CD200R1: variants seen among roughly 807,000 people sequenced by gnomAD.
CD200R1 encodes CD200 receptor 1.
CD200R1 carries 30 observed loss-of-function variants against 38.1 expected under a neutral mutation model. The observed-to-expected ratio is 0.79, with a 90% confidence interval of 0.59 to 1.07. The LOEUF (loss-of-function observed/expected upper bound fraction) is 1.07. Ranked by LOEUF, CD200R1 falls within the 50% of genes least tolerant of loss-of-function variation. The pLI is 0.00. For missense variants in CD200R1, 372 were observed against 415.4 expected, an observed-to-expected ratio of 0.90 and a Z score of 0.91; for synonymous variants, 128 against 152.1, an observed-to-expected ratio of 0.84 and a Z score of 1.16.
intron 2 of CD200R1, among the ~76,000 whole-genome samples, chr3:112,937,201 G>A (rs1452799746): frequency 6.6e-6 from 1 of 152,062 alleles, no homozygotes; most frequent in Non-Finnish European, 1.5e-5. Flanking sequence ...AGGAGGAAAA[G>A]CCCCTTATAA....
intron 3 of CD200R1, among the ~76,000 whole-genome samples, chr3:112,930,254 T>G (rs1940396836): frequency 6.6e-6 from 1 of 152,196 alleles, no homozygotes; most frequent in African/African-American, 2.4e-5. Flanking sequence ...TAAAAAACGA[T>G]TTATTTCCCT....
At chr3:112,964,295 G>T (rs1212490854) in intron 1 of CD200R1, among the ~76,000 whole-genome samples, 1 of 152,182 alleles carries the variant, frequency 6.6e-6, no homozygotes, top group Non-Finnish European at 1.5e-5. Context: ...CCCCAGAATG[G>T]TAGATCCATT....
intron 2 of CD200R1, among the ~76,000 whole-genome samples, chr3:112,940,019 T>A (rs540226234): frequency 6.6e-6 from 1 of 151,878 alleles, no homozygotes; most frequent in South Asian, 2.1e-4. Flanking sequence ...TTAGTCCACA[T>A]ATATACAGTC....
intron 2 of CD200R1, among the ~76,000 whole-genome samples, chr3:112,944,479 A>AT (rs1940798194): frequency 2.1e-5 from 2 of 94,878 alleles, no homozygotes; most frequent in African/African-American, 1.0e-4. Flanking sequence ...GATAAAGAGA[A>AT]ATTTCTCAAC....
chr3:112,927,559 GA>G (rs1428785645), intron 5 of CD200R1, among the ~76,000 whole-genome samples: 13 of 152,100 alleles, frequency 8.5e-5, no homozygotes, highest in African/African-American at 2.9e-4. Flanking sequence ...ATATATGAAA[GA>G]AAGAGTTAAA....
In CD200R1 at chr3:112,921,628, G is replaced by A. The variant is rs1215796552; in HGVS notation, c.*2049C>T. 2.6e-5 allele frequency: 4 copies of A among 152,052 alleles called. No homozygotes were observed. Among genetic ancestry groups the A allele is most frequent in the Admixed American group, 2.6e-4 (4 of 15,228 alleles). The allele number at this position is 152,052 out of a possible 1,614,324, so 9.4% of individuals were successfully genotyped here. On this transcript the variant is annotated 3_prime_UTR_variant, in exon 8 of 8. Transcript: ENST00000308611. Reference sequence around the variant, plus strand: ...CAGCCTCTGCTTCCTGGATGACCTTGCTGACACGCCAGGTCTAATCTCTAG... The same window carrying A: ...CAGCCTCTGCTTCCTGGATGACCTTACTGACACGCCAGGTCTAATCTCTAG...
At chr3:112,961,417 A>T (rs1421247710) in intron 1 of CD200R1, among the ~76,000 whole-genome samples, 1 of 152,106 alleles carries the variant, frequency 6.6e-6, no homozygotes, top group African/African-American at 2.4e-5. Context: ...CAAAAACAAA[A>T]GTACTGGAAG....
At chr3:112,940,635 T>C (rs1940705608) in intron 2 of CD200R1, among the ~76,000 whole-genome samples, 1 of 151,600 alleles carries the variant, frequency 6.6e-6, no homozygotes, top group South Asian at 2.1e-4. Flanking sequence ...ATGGCTATTA[T>C]CAAAAAGACA....
chr3:112,921,987 A>T lies in CD200R1; in HGVS notation c.*1690T>A, dbSNP rs1940179334. ...AATAAATTTCAAGGACAGTGTAATG[A>T]TGTCTATTGTGAACATTGCTTGGTA... On this transcript the variant is annotated 3_prime_UTR_variant, in exon 8 of 8. Coordinates refer to ENST00000308611, the MANE Select transcript of CD200R1 (RefSeq NM_138806.4). The T allele has an allele frequency of 6.6e-6, 1 of 152,178 alleles. No homozygotes were observed. Among genetic ancestry groups the T allele is most frequent in the Non-Finnish European group, 1.5e-5 (1 of 67,956 alleles). 9.4% of individuals were successfully genotyped at this position (152,178 alleles called of 1,614,324 possible). A position where few individuals can be genotyped will look rare whatever the true frequency, so the allele number is the denominator to read the frequency against.
In CD200R1 at chr3:112,929,332, C is replaced by T. The variant is rs1940366046; in HGVS notation, c.378G>A (p.Glu126=). 6.2e-7 allele frequency: 1 copy of T among 1,614,174 alleles called. No homozygotes were observed. Among genetic ancestry groups the T allele is most frequent in the South Asian group, 1.1e-5 (1 of 91,080 alleles). The change falls in exon 4 of 8, where the codon GAG becomes GAA. Residue 126 remains glutamate (E), a synonymous_variant. Transcript: ENST00000308611. ...CAGGTCTGGAGACCCAGGTTATTCT[C>T]TCATCAGTACAGTTGGTTTCCTTGG... ...NETKETNCTD[E]RITWVSRPDQ...
At chr3:112,959,913 G>A (rs1453047286) in intron 1 of CD200R1, among the ~76,000 whole-genome samples, 1 of 151,896 alleles carries the variant, frequency 6.6e-6, no homozygotes, top group Non-Finnish European at 1.5e-5. Context: ...ATAACTAAAC[G>A]AATTATATGC....
intron 2 of CD200R1, among the ~76,000 whole-genome samples, chr3:112,932,308 C>G (rs1294494826): frequency 6.6e-6 from 1 of 152,134 alleles, no homozygotes; most frequent in Non-Finnish European, 1.5e-5. Context: ...TGGTCCTGCA[C>G]AGTAGGGAAA....
At position 112,929,246 on chromosome 3, in the gene CD200R1, C is replaced by T. The variant is rs1940361324; in HGVS notation, c.464G>A (p.Cys155Tyr). 1 of 1,614,152 alleles carries T rather than the reference C, an allele frequency of 6.2e-7. No homozygotes were observed. ...VAITHDGYYR[C>Y]IMVTPDGNFH... ...ATTCCCATCAGGTGTTACCATTATG[C>T]ATCTGTAATACCCGTCATGAGTGAT... Residue 155 changes from cysteine (C) to tyrosine (Y), a missense_variant, in exon 4 of 8, where the codon TGC (cysteine) becomes TAC (tyrosine). Coordinates refer to ENST00000308611, the MANE Select transcript of CD200R1 (RefSeq NM_138806.4).
At chr3:112,939,458 CT>C (rs1401991770) in intron 2 of CD200R1, among the ~76,000 whole-genome samples, 13 of 151,870 alleles carry the variant, frequency 8.6e-5, no homozygotes, top group Admixed American at 5.9e-4. Context: ...ATAGACAAAA[CT>C]TAGTAGCATT....
chr3:112,935,127 C>G (rs1185730706), intron 2 of CD200R1, among the ~76,000 whole-genome samples: 1 of 152,036 alleles, frequency 6.6e-6, no homozygotes, highest in African/African-American at 2.4e-5. Context: ...GAGAGATAAA[C>G]CTCAAAGCAA....
intron 1 of CD200R1, among the ~76,000 whole-genome samples, chr3:112,973,138 T>A (rs1184586620): frequency 6.6e-6 from 1 of 152,028 alleles, no homozygotes; most frequent in Non-Finnish European, 1.5e-5. Context: ...GTTTTAATCA[T>A]TTTTTTTCCT....
At chr3:112,948,704 G>A (rs951704653) in intron 1 of CD200R1, among the ~76,000 whole-genome samples, 8 of 152,170 alleles carry the variant, frequency 5.3e-5, no homozygotes, top group African/African-American at 1.9e-4. Context: ...CCCAGGGTTG[G>A]GGACCCGTGA....
chr3:112,957,718 A>G (rs1177301748), intron 1 of CD200R1, among the ~76,000 whole-genome samples: 2 of 152,198 alleles, frequency 1.3e-5, no homozygotes, highest in Non-Finnish European at 2.9e-5. Flanking sequence ...ACAGTAAAAG[A>G]AAATGTTTGC....
intron 1 of CD200R1, among the ~76,000 whole-genome samples, chr3:112,949,134 T>A (rs1378331928): frequency 6.6e-6 from 1 of 152,224 alleles, no homozygotes; most frequent in Non-Finnish European, 1.5e-5. Flanking sequence ...AATAAAAATT[T>A]ACAAGAGTTA....
Sources: gnomAD v4.1 joint callset for allele counts (sites outside exome capture counted in the v4.1 genomes callset) on GRCh38, gnomAD v4.1.1 for gene constraint, MANE v1.5 for transcripts, NCBI Gene and HGNC (gene_info 2026-07-23, HGNC 2026-07-21) for gene names.